Variants in POLK observed in about 807,000 individuals in gnomAD.
The protein encoded by POLK is polymerase (DNA directed) kappa.
A neutral mutation model predicts 94.0 loss-of-function variants in POLK; 76 were observed. That is an observed-to-expected ratio of 0.81 (90% CI 0.67 to 0.98). POLK has a LOEUF of 0.98. Ranked by LOEUF, POLK falls within the 50% of genes least tolerant of loss-of-function variation. POLK has a pLI of 0.00. For missense variants in POLK, 954 were observed against 1,010.1 expected (o/e 0.94, Z 0.75); for synonymous variants, 349 against 325.4 (o/e 1.07, Z -0.78).
chr5:75,541,115 C>T (rs1195995453), intron 1 of POLK, among the ~76,000 whole-genome samples: 1 of 152,022 alleles, frequency 6.6e-6, no homozygotes, highest in African/African-American at 2.4e-5. Flanking sequence ...GAAACCCCGT[C>T]TCTACAAAAA....
chr5:75,544,641 C>CTGAATGAA lies in POLK; in HGVS notation c.-13-2347_-13-2340dup, dbSNP rs61178645. ...TGGGTGACAGAGTGAGACTTTGTCT[C>CTGAATGAA]TGAATGAATGAATGAATGAATGAAT... is the stretch of plus-strand genomic sequence containing the variant. On this transcript the variant is annotated intron_variant, in intron 1 of 14. Coordinates refer to ENST00000241436, the Ensembl canonical transcript of POLK. Among the ~76,000 whole-genome samples, 142 of 151,590 alleles carry CTGAATGAA rather than the reference C, an allele frequency of 9.4e-4. No homozygotes were observed. In the East Asian group the frequency reaches 0.014, roughly 15 times the overall value.
intron 4 of POLK, among the ~76,000 whole-genome samples, chr5:75,572,249 T>C (rs1350617691): frequency 6.6e-6 from 1 of 152,198 alleles, no homozygotes. Flanking sequence ...CTCTCATACT[T>C]TTGTAGTTCC....
At chr5:75,605,268 C>G (rs566030544), downstream of POLK, among the ~76,000 whole-genome samples, 34 of 152,228 alleles carry the variant, frequency 2.2e-4, no homozygotes, top group African/African-American at 7.0e-4. Context: ...TGTCTAATAT[C>G]TGGCCTTCTA....
chr5:75,585,659 G>A (rs1221159062), intron 9 of POLK, among the ~76,000 whole-genome samples: 3 of 152,106 alleles, frequency 2.0e-5, no homozygotes. Context: ...GTCTTAAAAA[G>A]AGGAACCCTA....
At chr5:75,511,013 C>T (rs1767949299), upstream of POLK, 3 of 1,406,718 alleles carry the variant, frequency 2.1e-6, no homozygotes, top group Non-Finnish European at 2.8e-6. Context: ...CACCCCGGCA[C>T]GTTCCGCGCC....
intron 2 of POLK, 49 bp from the exon 3 acceptor site, chr5:75,552,423 G>A: frequency 1.3e-6 from 2 of 1,581,622 alleles, no homozygotes; most frequent in Non-Finnish European, 1.7e-6. Flanking sequence ...CTACAGTGAT[G>A]CTTTCCTTCA....
At chr5:75,519,668 C>T (rs949664155) in intron 1 of POLK, among the ~76,000 whole-genome samples, 2 of 152,116 alleles carry the variant, frequency 1.3e-5, no homozygotes, top group African/African-American at 2.4e-5. Context: ...GACTTATAGT[C>T]GTATTTTATC....
In POLK at chr5:75,573,650, A is replaced by T. The variant is rs1771717309; in HGVS notation, c.409-88A>T. The stretch of plus-strand genomic sequence containing the variant: ...TGAAATGTCCTTGAATTGAAAATGC[A>T]CATATTAATGTGTTTCTTATGAATG... On this transcript the variant is annotated intron_variant, in intron 4 of 14. Coordinates refer to ENST00000241436, the Ensembl canonical transcript of POLK. 10 of 1,084,176 alleles carry T rather than the reference A, an allele frequency of 9.2e-6. No individual in the cohort carries two copies. In the East Asian group the frequency reaches 2.2e-4, roughly 23 times the overall value. The allele number at this position is 1,084,176 out of a possible 1,614,324, so 67.2% of individuals were successfully genotyped here. A position where few individuals can be genotyped will look rare whatever the true frequency, so the allele number is the denominator to read the frequency against.
chr5:75,538,411 A>T lies in POLK; in HGVS notation c.-13-8599A>T, dbSNP rs146917519. On this transcript the variant is annotated intron_variant, in intron 1 of 14. Transcript: ENST00000241436. ...AAGCTAACATAAACCACATATTGTG[A>T]TAGTTTGATGAACTAATCTAGCTCG... Among the ~76,000 whole-genome samples, 708 of 152,366 alleles carry T rather than the reference A, an allele frequency of 4.6e-3. 3 individuals carry two copies. Among genetic ancestry groups the T allele is most frequent in the African/African-American group, 0.015 (644 of 41,580 alleles).
downstream of POLK, among the ~76,000 whole-genome samples, chr5:75,605,201 C>T (rs1773391181): frequency 6.6e-6 from 1 of 151,682 alleles, no homozygotes; most frequent in Non-Finnish European, 1.5e-5. Context: ...TCTGTCTACT[C>T]TTGTAGGGCC....
rs34457772 is a variant in POLK, at chr5:75,582,948, G to GAA, written c.935-329_935-328dup. 324 of 127,378 alleles carry GAA rather than the reference G, an allele frequency of 2.5e-3. 1 individual carries two copies. Among genetic ancestry groups the GAA allele is most frequent in the Middle Eastern group, 8.6e-3 (2 of 232 alleles). The allele number at this position is 127,378 out of a possible 1,614,324, so 7.9% of individuals were successfully genotyped here. A position where few individuals can be genotyped will look rare whatever the true frequency, so the allele number is the denominator to read the frequency against. The stretch of plus-strand genomic sequence containing the variant: ...TGGGCGACAGAGCAAGACTCCATCT[G>GAA]AAAAAAAAAAAAAAAAATCTGTATT... On this transcript the variant is annotated intron_variant, in intron 7 of 14. Transcript: ENST00000241436.
At chr5:75,596,423 G>T in exon 13 of POLK, 1 of 1,613,796 alleles carries the variant, frequency 6.2e-7, no homozygotes, top group Non-Finnish European at 8.5e-7. Flanking sequence ...GAAAGGAAAT[G>T]GAGTCACCAA....
chr5:75,533,014 A>C (rs1045557085), intron 1 of POLK, among the ~76,000 whole-genome samples: 4 of 152,070 alleles, frequency 2.6e-5, no homozygotes, highest in Non-Finnish European at 5.9e-5. Context: ...AGTTTGCAGA[A>C]ATTTTCTCCC....
At chr5:75,607,259 G>C in the POLK span, among the ~76,000 whole-genome samples, 3 of 152,050 alleles carry the variant, frequency 2.0e-5, no homozygotes, top group Non-Finnish European at 4.4e-5. Context: ...CTGAGGTCAG[G>C]AGTTCGAGAC....
chr5:75,598,445 T>C (rs1468766076), exon 15 of POLK: 1 of 152,888 alleles, frequency 6.5e-6, no homozygotes, highest in African/African-American at 2.4e-5. Context: ...GCATTCATAA[T>C]TAAAATTTAT....
At chr5:75,558,782 C>T (rs946305395) in intron 3 of POLK, among the ~76,000 whole-genome samples, 36 of 152,224 alleles carry the variant, frequency 2.4e-4, no homozygotes, top group African/African-American at 7.7e-4. Context: ...CCTTAAGCAA[C>T]GTACTTTCTG....
chr5:75,520,576 T>A (rs1768523713), intron 1 of POLK, among the ~76,000 whole-genome samples: 1 of 152,124 alleles, frequency 6.6e-6, no homozygotes, highest in African/African-American at 2.4e-5. Context: ...AAAAAAAATT[T>A]TTTTTAGAGA....
intron 3 of POLK, among the ~76,000 whole-genome samples, chr5:75,560,726 G>A (rs1015758043): frequency 6.6e-6 from 1 of 151,916 alleles, no homozygotes; most frequent in Admixed American, 6.6e-5. Flanking sequence ...TGCCCATATG[G>A]TCTCATTGTT....
intron 1 of POLK, among the ~76,000 whole-genome samples, chr5:75,518,011 T>TGACCCACTGC: frequency 6.6e-6 from 1 of 152,182 alleles, no homozygotes; most frequent in East Asian, 1.9e-4. Flanking sequence ...TGAAGGATCT[T>TGACCCACTGC]ATTAATGTGA....
Sources: gnomAD v4.1 joint callset for allele counts (sites outside exome capture counted in the v4.1 genomes callset) on GRCh38, gnomAD v4.1.1 for gene constraint, MANE v1.5 for transcripts, NCBI Gene and HGNC (gene_info 2026-07-23, HGNC 2026-07-21) for gene names.